MED13: variants seen among roughly 807,000 people sequenced by gnomAD.
MED13 encodes mediator of RNA polymerase II transcription subunit 13.
In MED13, 23 loss-of-function variants were observed where a neutral mutation model predicts 225.2. The observed-to-expected ratio is 0.10, with a 90% CI of 0.07 to 0.14. MED13 has a LOEUF of 0.14. MED13 is among the 10% of genes least tolerant of loss of function. MED13 has a pLI of 1.00. For synonymous variants in MED13, 942 were observed against 889.2 expected (o/e 1.06, Z -1.06); for missense variants, 2,197 against 2,594.5 (o/e 0.85, Z 3.33).
chr17:62,029,564 T>C lies in MED13; in HGVS notation c.1260A>G (p.Gln420=). The change falls in exon 8 of 30, where the codon CAA becomes CAG. Residue 420 remains glutamine, a synonymous_variant. Coordinates refer to ENST00000397786, the MANE Select transcript of MED13 (RefSeq NM_005121.3). ...VASWDFVEAT[Q]RTNCSCLRHK... ...ACCTCAAACAACTGCAATTTGTTCT[T>C]TGTGTGGCTTCAACAAAATCCCAGG... 1.2e-6 allele frequency: 2 copies of C among 1,614,110 alleles called. No individual in the cohort carries two copies. Among genetic ancestry groups the C allele is most frequent in the Non-Finnish European group, 1.7e-6 (2 of 1,179,986 alleles).
At chr17:61,968,537 A>C (rs1361870157) in intron 17 of MED13, among the ~76,000 whole-genome samples, 4 of 152,156 alleles carry the variant, frequency 2.6e-5, no homozygotes, top group African/African-American at 9.7e-5. Flanking sequence ...CGTGTTAGCC[A>C]GGATGGTCTC....
At chr17:62,022,173 AAAT>A (rs1484522386) in intron 8 of MED13, among the ~76,000 whole-genome samples, 1,203 of 107,172 alleles carry the variant, frequency 0.011, 17 homozygotes, top group African/African-American at 0.05. Context: ...CTCAAAAAAA[AAAT>A]ATATATATAT....
At chr17:61,978,319 C>T (rs991483001) in intron 16 of MED13, among the ~76,000 whole-genome samples, 2 of 152,072 alleles carry the variant, frequency 1.3e-5, no homozygotes, top group African/African-American at 2.4e-5. Flanking sequence ...GGCAGGATCT[C>T]GGGCTCACTG....
At chr17:62,043,114 C>CCACTGTA (rs2080867535) in intron 3 of MED13, among the ~76,000 whole-genome samples, 1 of 123,236 alleles carries the variant, frequency 8.1e-6, no homozygotes, top group Non-Finnish European at 1.6e-5. Flanking sequence ...CAAGATTACA[C>CCACTGTA]CACTGTACTC....
intron 12 of MED13, 143 bp from the exon 13 acceptor site, chr17:61,985,233 G>C: frequency 3.4e-6 from 2 of 590,880 alleles, no homozygotes; most frequent in South Asian, 4.8e-5. Flanking sequence ...ATACATACTA[G>C]TGTTGAAAGA....
intron 27 of MED13, 105 bp from the exon 28 acceptor site, chr17:61,951,103 T>C (rs867229671): frequency 1.2e-6 from 1 of 825,872 alleles, no homozygotes; most frequent in Middle Eastern, 3.5e-4. Flanking sequence ...TCTTATGACA[T>C]CGATTTAATA....
At chr17:62,057,761 T>C (rs1487084484) in intron 2 of MED13, among the ~76,000 whole-genome samples, 1 of 152,240 alleles carries the variant, frequency 6.6e-6, no homozygotes, top group African/African-American at 2.4e-5. Flanking sequence ...TCTGAACATG[T>C]TACTAAAATC....
chr17:62,015,834 T>C lies in MED13; in HGVS notation c.1284-4601A>G, dbSNP rs201374391. Among the ~76,000 whole-genome samples the C allele has an allele frequency of 1.5e-4, 17 of 113,432 alleles. 1 individual carries two copies. Among genetic ancestry groups the C allele is most frequent in the African/African-American group, 4.5e-4 (14 of 31,222 alleles). The allele number at this position is 113,432 out of a possible 152,430, so 74.4% of individuals were successfully genotyped here. A position where few individuals can be genotyped will look rare whatever the true frequency, so the allele number is the denominator to read the frequency against. ...TATATATACATACACACTATATATA[T>C]ACACACACACTATATATATGTGTAT... On this transcript the variant is annotated intron_variant, in intron 8 of 29. Transcript: ENST00000397786.
chr17:61,965,126 T>C lies in MED13; in HGVS notation c.4724A>G (p.Gln1575Arg). Residue 1575 changes from glutamine (Q) to arginine (R), a missense_variant, in exon 20 of 30, where the codon CAA becomes CGA. Gln to Arg is a conservative substitution (Grantham distance 43, BLOSUM62 1). Coordinates refer to ENST00000397786, the MANE Select transcript of MED13 (RefSeq NM_005121.3). ...NSNAAGSMST[Q>R]ANTVQSGQLG... ...CTGACCACTCTGAACTGTATTTGCT[T>C]GTGTAGACATGGATCCTGCAGCATT... The C allele has an allele frequency of 6.2e-7, 1 of 1,614,186 alleles. No homozygotes were observed. Among genetic ancestry groups the C allele is most frequent in the Admixed American group, 1.7e-5 (1 of 60,014 alleles).
chr17:62,063,017 A>G, intron 2 of MED13, 50 bp downstream of exon 2: 1 of 1,346,788 alleles, frequency 7.4e-7, no homozygotes, highest in East Asian at 2.3e-5. Flanking sequence ...TTCTGGGAGA[A>G]GTATACAATG....
At chr17:62,033,172 A>G (rs1299238095) in intron 5 of MED13, among the ~76,000 whole-genome samples, 1 of 152,006 alleles carries the variant, frequency 6.6e-6, no homozygotes, top group Non-Finnish European at 1.5e-5. Flanking sequence ...AAAATAAATT[A>G]AATAAATAAT....
intron 16 of MED13, among the ~76,000 whole-genome samples, chr17:61,974,780 A>G (rs2080139416): frequency 6.6e-6 from 1 of 152,202 alleles, no homozygotes; most frequent in South Asian, 2.1e-4. Context: ...AAAAATTCAG[A>G]ATGGATCAGA....
In MED13 at chr17:61,984,991, G is replaced by A. The variant is rs2080235687; in HGVS notation, c.2476+9C>T. On this transcript the variant is annotated intron_variant, in intron 13 of 29. Coordinates refer to ENST00000397786, the MANE Select transcript of MED13 (RefSeq NM_005121.3). Reference sequence around the variant, plus strand: ...AAATTTATCTCGAGCACAGATGAGGGAAGCTTACTTATGCAAGATAACGGG... The same window carrying A: ...AAATTTATCTCGAGCACAGATGAGGAAAGCTTACTTATGCAAGATAACGGG... 2 of 1,613,372 alleles carry A rather than the reference G, an allele frequency of 1.2e-6. No individual in the cohort carries two copies. Among genetic ancestry groups the A allele is most frequent in the East Asian group, 4.5e-5 (2 of 44,852 alleles).
At chr17:61,973,815 C>G (rs775040638) in intron 16 of MED13, among the ~76,000 whole-genome samples, 8 of 151,964 alleles carry the variant, frequency 5.3e-5, no homozygotes, top group African/African-American at 2.4e-5. Flanking sequence ...AACCCTGTCT[C>G]TACCAAAAAA....
At chr17:62,033,183 A>T (rs777187586) in intron 5 of MED13, among the ~76,000 whole-genome samples, 13 of 151,914 alleles carry the variant, frequency 8.6e-5, no homozygotes, top group Non-Finnish European at 1.6e-4. Flanking sequence ...AATAAATAAT[A>T]AAAAAATATA....
At chr17:61,998,125 A>T (rs2080361477) in intron 9 of MED13, among the ~76,000 whole-genome samples, 1 of 152,232 alleles carries the variant, frequency 6.6e-6, no homozygotes, top group Admixed American at 6.5e-5. Flanking sequence ...TGTTACTTTT[A>T]AGAGATGCCA....
chr17:61,970,101 T>C (rs1045965501), intron 17 of MED13, among the ~76,000 whole-genome samples: 1 of 152,194 alleles, frequency 6.6e-6, no homozygotes, highest in Non-Finnish European at 1.5e-5. Flanking sequence ...TCAAAGCTCT[T>C]TGCATGTACT....
chr17:61,962,609 A>T, intron 21 of MED13, 143 bp downstream of exon 21: 1 of 614,604 alleles, frequency 1.6e-6, no homozygotes, highest in Non-Finnish European at 2.8e-6. Context: ...TCTAAGATTT[A>T]TATTATGATA....
chr17:61,994,762 T>A (rs1012783777), intron 10 of MED13, among the ~76,000 whole-genome samples: 7 of 152,224 alleles, frequency 4.6e-5, no homozygotes, highest in African/African-American at 1.7e-4. Flanking sequence ...CAAGCTGGAG[T>A]GCAGTAGCCT....
Sources: allele counts gnomAD v4.1 joint callset (sites outside exome capture counted in the v4.1 genomes callset), GRCh38; gene constraint gnomAD v4.1.1; transcripts MANE v1.5; gene names NCBI Gene and HGNC (gene_info 2026-07-23, HGNC 2026-07-21).